Variants in USP40 observed in about 807,000 individuals in gnomAD.
USP40 encodes ubiquitin carboxyl-terminal hydrolase 40.
Under a neutral mutation model 166.2 loss-of-function variants are expected in USP40, and 143 were observed. That is an observed-to-expected ratio of 0.86 (90% CI 0.75 to 0.99). The LOEUF is 0.99. Among genes scored for constraint, USP40 ranks in the 50% least tolerant of loss-of-function variants. The pLI is 0.00. For missense variants in USP40, 1,444 were observed against 1,479.7 expected (o/e 0.98, Z 0.40); for synonymous variants, 498 against 524.0 (o/e 0.95, Z 0.68).
At position 233,510,040 on chromosome 2, in the gene USP40, AT is replaced by A; in HGVS notation, c.2613+8del. 1 of 1,569,386 alleles carries A rather than the reference AT, an allele frequency of 6.4e-7. No individual in the cohort carries two copies. Among genetic ancestry groups the A allele is most frequent in the Non-Finnish European group, 8.7e-7 (1 of 1,154,094 alleles). ...ACAGCCTCTGAAAACAAAAGGTAAA[AT>A]TACTTACATCTCTCACAGATATTGT... is the stretch of plus-strand genomic sequence containing the variant. On this transcript the variant is annotated splice_region_variant and intron_variant, in intron 21 of 31. Transcript: ENST00000678225.
At chr2:233,545,049 A>G (rs74870764) in intron 8 of USP40, among the ~76,000 whole-genome samples, 2 of 152,198 alleles carry the variant, frequency 1.3e-5, no homozygotes, top group Non-Finnish European at 1.5e-5. Flanking sequence ...CCGTAAATCA[A>G]GTTCTTAAAA....
chr2:233,556,962 T>C lies in USP40; in HGVS notation c.439A>G (p.Thr147Ala). 3 of 1,613,746 alleles carry C rather than the reference T, an allele frequency of 1.9e-6. No individual in the cohort carries two copies. The South Asian group carries it at 3.3e-5, about 18-fold the overall frequency. ...TGACCGGAGGTCCCAACTAAAGAAG[T>C]TTCCAAAGCGCTGAAGAGGATTCGA... is the stretch of plus-strand genomic sequence containing the variant. ...LNRILFSALE[T>A]SLVGTSGHDL... Residue 147 changes from threonine to alanine, a missense_variant, in exon 5 of 32, where the codon ACT becomes GCT. Physicochemically the swap from Thr to Ala is moderately conservative, Grantham distance 58 (BLOSUM62 0). Transcript: ENST00000678225.
intron 28 of USP40, chr2:233,487,889 G>A: frequency 3.8e-6 from 2 of 521,756 alleles, no homozygotes; most frequent in South Asian, 3.1e-5. Flanking sequence ...GAATAAGGGG[G>A]CAGAGCGACG....
chr2:233,533,746 T>A lies in USP40; in HGVS notation c.1204A>T (p.Ser402Cys). The A allele has an allele frequency of 1.2e-6, 2 of 1,609,286 alleles. No homozygotes were observed. Among genetic ancestry groups the A allele is most frequent in the Non-Finnish European group, 1.7e-6 (2 of 1,177,568 alleles). ...AGACGAACTGTACTTTCATCTGAAC[T>A]GAGTAGAAATATCTGAGAATGGAGC... ...LQLHSQIFLL[S>C]SDESTVRLLK... The change falls in exon 11 of 32, where the codon AGT becomes TGT. Residue 402 changes from serine (S) to cysteine (C), a missense_variant. By Grantham distance (112) the Ser-to-Cys change is moderately radical (BLOSUM62 -1). Coordinates refer to ENST00000678225, the MANE Select transcript of USP40 (RefSeq NM_001365479.2).
chr2:233,541,755 C>T (rs939019329), intron 9 of USP40, among the ~76,000 whole-genome samples: 1 of 152,132 alleles, frequency 6.6e-6, no homozygotes. Flanking sequence ...AAGTCATCTA[C>T]TTGAGATATT....
chr2:233,551,087 G>A (rs908809357), intron 7 of USP40, among the ~76,000 whole-genome samples: 5 of 152,276 alleles, frequency 3.3e-5, no homozygotes, highest in South Asian at 4.1e-4. Flanking sequence ...TCTTGCCCAC[G>A]CTGTCCTCGC....
chr2:233,501,402 A>G (rs922263840), intron 21 of USP40, among the ~76,000 whole-genome samples: 1 of 152,174 alleles, frequency 6.6e-6, no homozygotes, highest in African/African-American at 2.4e-5. Context: ...GTAAAATGGG[A>G]AACCACAGGA....
At chr2:233,507,618 T>TAA (rs142033382) in intron 21 of USP40, among the ~76,000 whole-genome samples, 3 of 134,632 alleles carry the variant, frequency 2.2e-5, no homozygotes, top group Non-Finnish European at 4.8e-5. Flanking sequence ...TGTGGAATCT[T>TAA]AAAAAAAAAA....
intron 1 of USP40, among the ~76,000 whole-genome samples, chr2:233,565,815 T>C (rs2072093631): frequency 2.0e-5 from 3 of 152,186 alleles, no homozygotes. Context: ...TAGGATACCA[T>C]CTGTCTCTTC....
At position 233,485,858 on chromosome 2, in the gene USP40, C is replaced by A. The variant is rs1233688531; in HGVS notation, c.3317G>T (p.Arg1106Ile). The A allele has an allele frequency of 3.1e-6, 5 of 1,610,046 alleles. No individual in the cohort carries two copies. In the East Asian group the frequency reaches 1.1e-4, roughly 36 times the overall value. ...GGGAAGACGATAGAAATCGGCAACT[C>A]TCTGCCTCAGGGAGCCGGCAGTCCC... ...QGGTAGSLRQ[R>I]VADFYRLPVE... The change falls in exon 29 of 32, where the codon AGA becomes ATA. Residue 1106 changes from arginine to isoleucine, a missense_variant. Arg to Ile is a moderately conservative substitution (Grantham distance 97). Coordinates refer to ENST00000678225, the MANE Select transcript of USP40 (RefSeq NM_001365479.2).
rs141136740 is a variant in USP40 at position 233,506,765 on chromosome 2, G to C, written c.2613+3284C>G. Among the ~76,000 whole-genome samples, 236 of 142,454 alleles carry C rather than the reference G, an allele frequency of 1.7e-3. 1 individual carries two copies. The highest frequency in any genetic ancestry group is 6.0e-3 in the African/African-American group (216 of 36,246). 93.5% of individuals were successfully genotyped at this position (142,454 alleles called of 152,430 possible). ...CAAAAAAAAAAAAAAAAAAAAAATA[G>C]CTGGGCATAGTAGCATATACCTGCG... On this transcript the variant is annotated intron_variant, in intron 21 of 31. Coordinates refer to ENST00000678225, the MANE Select transcript of USP40 (RefSeq NM_001365479.2).
chr2:233,526,943 C>A (rs1470600863), intron 13 of USP40, among the ~76,000 whole-genome samples: 1 of 152,178 alleles, frequency 6.6e-6, no homozygotes, highest in Admixed American at 6.5e-5. Context: ...TTGGAGACTA[C>A]AGCACTGTTT....
chr2:233,539,196 T>A (rs2069171145), intron 10 of USP40, among the ~76,000 whole-genome samples: 1 of 122,678 alleles, frequency 8.2e-6, no homozygotes. Context: ...AATTCCTCAG[T>A]AATTAATAGA....
At chr2:233,558,971 C>T (rs983920863) in intron 4 of USP40, among the ~76,000 whole-genome samples, 1 of 152,096 alleles carries the variant, frequency 6.6e-6, no homozygotes, top group East Asian at 1.9e-4. Flanking sequence ...TAGAAGACTA[C>T]CCTTCAGAGT....
chr2:233,477,261 G>A lies in USP40; in HGVS notation c.*131C>T, dbSNP rs796869027. The A allele has an allele frequency of 3.1e-5, 26 of 841,876 alleles. No homozygotes were observed. Among genetic ancestry groups the A allele is most frequent in the Admixed American group, 6.1e-5 (3 of 49,496 alleles). 52.2% of individuals were successfully genotyped at this position (841,876 alleles called of 1,614,324 possible). A position where few individuals can be genotyped will look rare whatever the true frequency, so the allele number is the denominator to read the frequency against. On this transcript the variant is annotated 3_prime_UTR_variant, in exon 32 of 32. Transcript: ENST00000678225. ...GCACTGGCCAGGCCTCAGAGGAGCCGTCCCTGTGCTCAAAGGAAGCAGAGG... is the reference window on the plus strand; with the variant it reads ...GCACTGGCCAGGCCTCAGAGGAGCCATCCCTGTGCTCAAAGGAAGCAGAGG...
chr2:233,510,797 G>GT (rs1323116036), intron 20 of USP40, among the ~76,000 whole-genome samples: 2 of 152,134 alleles, frequency 1.3e-5, no homozygotes, highest in African/African-American at 2.4e-5. Flanking sequence ...GCATTAGTAT[G>GT]TTTTTTCTGA....
chr2:233,562,740 G>T lies in USP40; in HGVS notation c.263C>A (p.Ala88Glu), dbSNP rs2071763987. ...TAATAATAATAATAAAAATACCTTT[G>T]CATCGGGTTTATCCTTATCTTCAAA... The part of the protein sequence containing the change: ...GLFEDKDKPD[A>E]KVRIIPLQLQ... Residue 88 changes from alanine (A) to glutamate (E), a missense_variant, in exon 3 of 32, where the codon GCA (alanine) becomes GAA (glutamate). Ala to Glu is a moderately radical substitution (Grantham distance 107, BLOSUM62 -1). Coordinates refer to ENST00000678225, the MANE Select transcript of USP40 (RefSeq NM_001365479.2). 1 of 1,517,756 alleles carries T rather than the reference G, an allele frequency of 6.6e-7. No individual in the cohort carries two copies. Among genetic ancestry groups the T allele is most frequent in the Non-Finnish European group, 8.8e-7 (1 of 1,130,664 alleles). The allele number at this position is 1,517,756 out of a possible 1,614,324, so 94.0% of individuals were successfully genotyped here. A position where few individuals can be genotyped will look rare whatever the true frequency, so the allele number is the denominator to read the frequency against.
intron 24 of USP40, among the ~76,000 whole-genome samples, chr2:233,494,224 T>G (rs2065519101): frequency 6.6e-6 from 1 of 152,220 alleles, no homozygotes; most frequent in South Asian, 2.1e-4. Flanking sequence ...TAACAAATAT[T>G]TGACCTTCAT....
intron 3 of USP40, chr2:233,560,598 G>A (rs1158257193): frequency 6.1e-6 from 1 of 163,280 alleles, no homozygotes; most frequent in Non-Finnish European, 1.3e-5. Context: ...GGTAGCCTGA[G>A]AAGTACTGGG....
Sources: allele counts gnomAD v4.1 joint callset (sites outside exome capture counted in the v4.1 genomes callset), GRCh38; gene constraint gnomAD v4.1.1; transcripts MANE v1.5; gene names NCBI Gene and HGNC (gene_info 2026-07-23, HGNC 2026-07-21).